AGBL4: variants seen among roughly 807,000 people sequenced by gnomAD.
AGBL4 encodes the protein cytosolic carboxypeptidase 6.
Under a neutral mutation model 66.4 loss-of-function variants are expected in AGBL4, and 58 were observed. The observed-to-expected ratio is 0.87, with a 90% CI of 0.71 to 1.09. The LOEUF is 1.09. AGBL4 is among the 50% of genes least tolerant of loss of function. AGBL4 has a pLI of 0.00. For synonymous variants in AGBL4, 234 were observed against 222.9 expected (o/e 1.05, Z -0.44); for missense variants, 579 against 631.0 (o/e 0.92, Z 0.88).
intron 3 of AGBL4, among the ~76,000 whole-genome samples, chr1:49,544,618 T>A (rs1457949119): frequency 6.6e-6 from 1 of 152,250 alleles, no homozygotes; most frequent in Non-Finnish European, 1.5e-5. Flanking sequence ...GCTACCATTT[T>A]AAGGTACTTT....
At position 49,948,180 on chromosome 1, in the gene AGBL4, CTATATATAAATATATATAAATATA is replaced by C. The variant is rs1176175649; in HGVS notation, c.34+75559_34+75582del. On this transcript the variant is annotated intron_variant, in intron 1 of 13. Transcript: ENST00000371839. ...TACGTAAATATATAAATATATATAA[CTATATATAAATATATATAAATATA>C]AATATATAAATATATATAAATATAT... Among the ~76,000 whole-genome samples, 14 of 82,434 alleles carry C rather than the reference CTATATATAAATATATATAAATATA, an allele frequency of 1.7e-4. No individual in the cohort carries two copies. The East Asian group carries it at 5.3e-3, about 31-fold the overall frequency. 54.1% of individuals were successfully genotyped at this position (82,434 alleles called of 152,430 possible). A position where few individuals can be genotyped will look rare whatever the true frequency, so the allele number is the denominator to read the frequency against.
intron 5 of AGBL4, among the ~76,000 whole-genome samples, chr1:48,981,433 A>G (rs1659758307): frequency 6.6e-6 from 1 of 152,162 alleles, no homozygotes; most frequent in Non-Finnish European, 1.5e-5. Flanking sequence ...CTCATTATGT[A>G]GAGGAAAAAA....
intron 3 of AGBL4, among the ~76,000 whole-genome samples, chr1:49,341,372 A>G (rs926252889): frequency 6.6e-6 from 1 of 152,182 alleles, no homozygotes; most frequent in African/African-American, 2.4e-5. Context: ...AGGTGAAAAG[A>G]TAAAATAAGG....
At chr1:49,204,399 T>A (rs893444089) in intron 4 of AGBL4, among the ~76,000 whole-genome samples, 1 of 151,476 alleles carries the variant, frequency 6.6e-6, no homozygotes, top group African/African-American at 2.4e-5. Context: ...GCCTCTGGAG[T>A]AACTGGGACT....
rs181721665 is a variant in AGBL4, at chr1:49,108,629, C to T, written c.378-62829G>A. 9.5e-4 allele frequency among the ~76,000 whole-genome samples: 145 copies of T among 152,294 alleles called. 1 individual carries two copies. Among genetic ancestry groups the T allele is most frequent in the Non-Finnish European group, 1.0e-3 (70 of 68,032 alleles). ...TGCTGGGAGGCCTCATCTCTTTGCA[C>T]TGTCAGGGGAGAACGTTCAGTGTTA... On this transcript the variant is annotated intron_variant, in intron 4 of 13. Transcript: ENST00000371839.
intron 3 of AGBL4, among the ~76,000 whole-genome samples, chr1:49,586,680 A>G (rs1170956569): frequency 7.3e-6 from 1 of 137,488 alleles, no homozygotes; most frequent in Non-Finnish European, 1.7e-5. Flanking sequence ...ATGAATGAAT[A>G]CATTAATGTT....
intron 4 of AGBL4, among the ~76,000 whole-genome samples, chr1:49,081,532 A>G (rs1171179649): frequency 6.6e-6 from 1 of 152,186 alleles, no homozygotes. Flanking sequence ...TTTATTCTCA[A>G]ATAGGGCTTA....
chr1:49,042,849 C>CT (rs988814888), intron 5 of AGBL4, among the ~76,000 whole-genome samples: 5 of 152,056 alleles, frequency 3.3e-5, no homozygotes, highest in African/African-American at 1.2e-4. Flanking sequence ...TTCTTATTAG[C>CT]TTTTTATTGT....
chr1:49,722,102 G>C lies in AGBL4; in HGVS notation c.158-24665C>G, dbSNP rs188838703. 2.0e-5 allele frequency among the ~76,000 whole-genome samples: 3 copies of C among 152,232 alleles called. No individual in the cohort carries two copies. The East Asian group carries it at 5.8e-4, about 29-fold the overall frequency. On this transcript the variant is annotated intron_variant, in intron 2 of 13. Transcript: ENST00000371839. Reference sequence around the variant, plus strand: ...TACAAGGGCCCTTGTGAGGGTTGAGGACTGCCTAGAGCTATGAGCAGGAAG... The same window carrying C: ...TACAAGGGCCCTTGTGAGGGTTGAGCACTGCCTAGAGCTATGAGCAGGAAG...
intron 6 of AGBL4, among the ~76,000 whole-genome samples, chr1:48,791,192 C>T (rs1005447878): frequency 6.6e-6 from 1 of 152,190 alleles, no homozygotes; most frequent in African/African-American, 2.4e-5. Context: ...GCTCGGCATT[C>T]CCTTGATTAC....
intron 1 of AGBL4, among the ~76,000 whole-genome samples, chr1:49,937,029 A>G (rs1654135514): frequency 6.6e-6 from 1 of 152,262 alleles, no homozygotes; most frequent in African/African-American, 2.4e-5. Context: ...GCTCCAATTA[A>G]AAGACACAGA....
At chr1:49,938,557 A>C (rs1047686920) in intron 1 of AGBL4, among the ~76,000 whole-genome samples, 2 of 152,066 alleles carry the variant, frequency 1.3e-5, no homozygotes, top group African/African-American at 2.4e-5. Context: ...GAGAATTTTA[A>C]ACCAATATCC....
At position 48,941,295 on chromosome 1, in the gene AGBL4, TG is replaced by T. The variant is rs1655953388; in HGVS notation, c.595-74066del. Among the ~76,000 whole-genome samples the T allele has an allele frequency of 2.6e-5, 4 of 152,224 alleles. No individual in the cohort carries two copies. The South Asian group carries it at 8.3e-4, about 32-fold the overall frequency. On this transcript the variant is annotated intron_variant, in intron 5 of 13. Transcript: ENST00000371839. The stretch of plus-strand genomic sequence containing the variant: ...CAAGGTGTTTGCTGTGGGACACTAT[TG>T]AAGTGAGCATAACAAGAAGGGCACT...
intron 4 of AGBL4, among the ~76,000 whole-genome samples, chr1:49,069,908 T>C (rs1482862359): frequency 6.6e-6 from 1 of 151,978 alleles, no homozygotes; most frequent in Non-Finnish European, 1.5e-5. Flanking sequence ...TTTATTTCCT[T>C]GAGCAGTGGT....
chr1:48,677,412 A>T (rs1450133197), intron 6 of AGBL4, among the ~76,000 whole-genome samples: 3 of 152,270 alleles, frequency 2.0e-5, no homozygotes, highest in African/African-American at 7.2e-5. Flanking sequence ...GTCCAAATAC[A>T]TGCATGTCAG....
intron 5 of AGBL4, among the ~76,000 whole-genome samples, chr1:48,901,989 A>G (rs1227115033): frequency 3.9e-5 from 6 of 152,194 alleles, no homozygotes; most frequent in Non-Finnish European, 8.8e-5. Flanking sequence ...CTTACATGGC[A>G]GCAGACAAGA....
intron 5 of AGBL4, among the ~76,000 whole-genome samples, chr1:48,942,130 A>C (rs867224016): frequency 1.3e-5 from 2 of 152,234 alleles, no homozygotes; most frequent in Non-Finnish European, 2.9e-5. Flanking sequence ...AGTTGCCATT[A>C]TAAACTCCAA....
At chr1:49,119,684 G>A (rs1233091219) in intron 4 of AGBL4, among the ~76,000 whole-genome samples, 1 of 152,126 alleles carries the variant, frequency 6.6e-6, no homozygotes, top group Non-Finnish European at 1.5e-5. Context: ...GTTGATTTGG[G>A]GTGGAGAGTT....
intron 4 of AGBL4, among the ~76,000 whole-genome samples, chr1:49,147,239 T>A (rs1569824961): frequency 6.6e-6 from 1 of 152,086 alleles, no homozygotes; most frequent in East Asian, 1.9e-4. Flanking sequence ...GTCAGACAGT[T>A]TAAATGACTG....
Sources: gnomAD v4.1 joint callset for allele counts (sites outside exome capture counted in the v4.1 genomes callset) on GRCh38, gnomAD v4.1.1 for gene constraint, MANE v1.5 for transcripts, NCBI Gene and HGNC (gene_info 2026-07-23, HGNC 2026-07-21) for gene names.